Variants in FREM2 observed in about 807,000 individuals in gnomAD.
FREM2 encodes the protein FRAS1-related extracellular matrix protein 2.
In FREM2, 119 loss-of-function variants were observed where a neutral mutation model predicts 219.9. The ratio of observed to expected loss-of-function variants is 0.54; its 90% CI spans 0.47 to 0.63. FREM2 has a LOEUF of 0.63. FREM2 is among the 30% of genes least tolerant of loss of function. FREM2 has a pLI of 0.00. For synonymous variants in FREM2, 1,562 were observed against 1,522.8 expected, an observed-to-expected ratio of 1.03 and a Z score of -0.60; for missense variants, 4,030 against 3,993.6, an observed-to-expected ratio of 1.01 and a Z score of -0.25.
chr13:38,806,439 A>G (rs1328269769), intron 6 of FREM2, among the ~76,000 whole-genome samples: 1 of 151,980 alleles, frequency 6.6e-6, no homozygotes, highest in Non-Finnish European at 1.5e-5. Context: ...CCAGACCGCT[A>G]CAATAAAGCA....
At chr13:38,818,569 G>A (rs891629293) in intron 6 of FREM2, among the ~76,000 whole-genome samples, 1 of 152,048 alleles carries the variant, frequency 6.6e-6, no homozygotes, top group African/African-American at 2.4e-5. Context: ...ATGGAGAAAG[G>A]TTGATTAATA....
chr13:38,709,317 A>G (rs2442369), intron 2 of FREM2, among the ~76,000 whole-genome samples: 152,271 of 152,282 alleles, frequency 1, 76,130 homozygotes, highest in Middle Eastern at 1. Flanking sequence ...TTCCCATAAC[A>G]ACTCATATTT....
chr13:38,866,365 G>T (rs1229694699), intron 16 of FREM2, among the ~76,000 whole-genome samples: 1 of 152,028 alleles, frequency 6.6e-6, no homozygotes, highest in East Asian at 1.9e-4. Flanking sequence ...TGGGTGTGGT[G>T]GTGGGCTCCG....
rs1473394246 is a variant in FREM2 at position 38,884,837 on chromosome 13, G to T, written c.*4050G>T. On this transcript the variant is annotated 3_prime_UTR_variant, in exon 24 of 24. Transcript: ENST00000280481. ...TTCTAGGAAAGAGATAACACTAAAGGCATCATAGGTTTAACTGAAATACGT... is the reference window on the plus strand; with the variant it reads ...TTCTAGGAAAGAGATAACACTAAAGTCATCATAGGTTTAACTGAAATACGT... 1.3e-5 allele frequency: 2 copies of T among 151,872 alleles called. No individual in the cohort carries two copies. Among genetic ancestry groups the T allele is most frequent in the African/African-American group, 4.8e-5 (2 of 41,338 alleles). The allele number at this position is 151,872 out of a possible 1,614,324, so 9.4% of individuals were successfully genotyped here. A position where few individuals can be genotyped will look rare whatever the true frequency, so the allele number is the denominator to read the frequency against.
chr13:38,810,559 C>G (rs1212424084), intron 6 of FREM2, among the ~76,000 whole-genome samples: 3 of 151,810 alleles, frequency 2.0e-5, no homozygotes, highest in Admixed American at 6.6e-5. Context: ...GCTTTTTCAG[C>G]ATCAATTGAA....
chr13:38,880,803 T>G lies in FREM2; in HGVS notation c.*16T>G. The G allele has an allele frequency of 6.2e-7, 1 of 1,613,850 alleles. No homozygotes were observed. Among genetic ancestry groups the G allele is most frequent in the Non-Finnish European group, 8.5e-7 (1 of 1,179,962 alleles). On this transcript the variant is annotated 3_prime_UTR_variant, in exon 24 of 24. Transcript: ENST00000280481. ...AGAAGTTTGATGACTGCAGGTAGAA[T>G]TCAACCTTTTCCGTAAGTGCCTCGG... is the stretch of plus-strand genomic sequence containing the variant.
intron 2 of FREM2, among the ~76,000 whole-genome samples, chr13:38,735,097 G>T (rs1566121977): frequency 6.6e-6 from 1 of 152,116 alleles, no homozygotes; most frequent in Non-Finnish European, 1.5e-5. Context: ...ATAGAGGACA[G>T]CTGGATTCTG....
chr13:38,842,336 G>A (rs1876992468), intron 6 of FREM2, among the ~76,000 whole-genome samples: 1 of 152,184 alleles, frequency 6.6e-6, no homozygotes, highest in Non-Finnish European at 1.5e-5. Context: ...GCCTGGTTAA[G>A]TGGTTGCTGG....
chr13:38,809,305 CT>C (rs896082025), intron 6 of FREM2, among the ~76,000 whole-genome samples: 107 of 145,294 alleles, frequency 7.4e-4, no homozygotes, highest in Middle Eastern at 3.5e-3. Flanking sequence ...TTTAAATTTT[CT>C]TTTTTTTTTA....
chr13:38,693,170 G>T (rs570274131), intron 1 of FREM2, among the ~76,000 whole-genome samples: 2 of 152,150 alleles, frequency 1.3e-5, no homozygotes, highest in African/African-American at 2.4e-5. Flanking sequence ...TATTTACAGG[G>T]CATGCTACTA....
chr13:38,792,093 C>T (rs1593410428), intron 6 of FREM2, among the ~76,000 whole-genome samples: 1 of 152,068 alleles, frequency 6.6e-6, no homozygotes, highest in Admixed American at 6.6e-5. Context: ...ATGCCTGTAA[C>T]CCCAGCACTT....
chr13:38,857,810 T>C, intron 12 of FREM2, 65 bp from the exon 13 acceptor site: 3 of 1,362,490 alleles, frequency 2.2e-6, no homozygotes, highest in South Asian at 2.3e-5. Flanking sequence ...AGTATTGTTC[T>C]GTGTGGTAGA....
chr13:38,770,172 T>A (rs576141637), intron 4 of FREM2, among the ~76,000 whole-genome samples: 102 of 147,958 alleles, frequency 6.9e-4, no homozygotes, highest in African/African-American at 2.2e-3. Context: ...TTATATAATT[T>A]TATATATAAA....
At chr13:38,854,875 AT>A (rs1325773770) in intron 11 of FREM2, among the ~76,000 whole-genome samples, 18 of 152,328 alleles carry the variant, frequency 1.2e-4, no homozygotes, top group Non-Finnish European at 2.2e-4. Context: ...ACTCTAAAGG[AT>A]TTGTAATTTA....
chr13:38,813,464 T>C (rs776382154), intron 6 of FREM2, among the ~76,000 whole-genome samples: 18 of 60,454 alleles, frequency 3.0e-4, no homozygotes, highest in South Asian at 1.3e-3. Flanking sequence ...GTTATTTGTT[T>C]TCTCTCTCTC....
At chr13:38,791,115 A>G (rs1874543108) in intron 6 of FREM2, among the ~76,000 whole-genome samples, 1 of 152,162 alleles carries the variant, frequency 6.6e-6, no homozygotes, top group Non-Finnish European at 1.5e-5. Context: ...GATTCAATGA[A>G]GGGGGAAAGT....
In FREM2 at chr13:38,861,443, C is replaced by T; in HGVS notation, c.7532C>T (p.Pro2511Leu). 1 of 1,613,424 alleles carries T rather than the reference C, an allele frequency of 6.2e-7. No individual in the cohort carries two copies. Among genetic ancestry groups the T allele is most frequent in the Non-Finnish European group, 8.5e-7 (1 of 1,179,764 alleles). Residue 2511 changes from proline (P) to leucine (L), a missense_variant, in exon 15 of 24, where the codon CCC becomes CTC. Physicochemically the swap from Pro to Leu is moderately conservative, Grantham distance 98. Transcript: ENST00000280481. ...TTTTTTTTTCAAGGTCTTTGTCAGC[C>T]CCGTGTACCTGGGGTTGTTGGAGCA... ...TISREEGLCQ[P>L]RVPGVVGAEP...
chr13:38,725,946 T>G (rs1013026145), intron 2 of FREM2, among the ~76,000 whole-genome samples: 1 of 152,150 alleles, frequency 6.6e-6, no homozygotes, highest in African/African-American at 2.4e-5. Context: ...ACTCAAAAAA[T>G]CTGAGCCTGT....
At position 38,690,244 on chromosome 13, in the gene FREM2, A is replaced by T. The variant is rs138726274; in HGVS notation, c.2900A>T (p.Asn967Ile). 113 of 1,614,048 alleles carry T rather than the reference A, an allele frequency of 7.0e-5. No homozygotes were observed. Among genetic ancestry groups the T allele is most frequent in the Non-Finnish European group, 9.3e-5 (110 of 1,180,028 alleles). The part of the protein sequence containing the change: ...LENGATEITA[N>I]VIKGTNEETD... ...AATGGGGCTACTGAAATCACTGCCA[A>T]TGTTATTAAGGGGACCAATGAGGAA... The change falls in exon 1 of 24, where the codon AAT (asparagine) becomes ATT (isoleucine). Residue 967 changes from asparagine (N) to isoleucine (I), a missense_variant. Transcript: ENST00000280481.
Sources: gnomAD v4.1 joint callset for allele counts (sites outside exome capture counted in the v4.1 genomes callset) on GRCh38, gnomAD v4.1.1 for gene constraint, MANE v1.5 for transcripts, NCBI Gene and HGNC (gene_info 2026-07-23, HGNC 2026-07-21) for gene names.